The following CDK7 variants were observed in gnomAD, a reference collection of about 807,000 sequenced individuals.
The protein encoded by CDK7 is cyclin-dependent kinase 7.
Under a neutral mutation model 49.1 loss-of-function variants are expected in CDK7, and 25 were observed. The ratio of observed to expected loss-of-function variants is 0.51; its 90% CI spans 0.37 to 0.71. The LOEUF is 0.71. CDK7 is among the 30% of genes least tolerant of loss of function. The pLI is 0.00. For synonymous variants in CDK7, 107 were observed against 140.0 expected (o/e 0.76, Z 1.67); for missense variants, 316 against 411.7 (o/e 0.77, Z 2.01).
At chr5:69,235,643 C>G (rs1020087193) in intron 2 of CDK7, 190 bp downstream of exon 2, 2 of 610,506 alleles carry the variant, frequency 3.3e-6, no homozygotes, top group Non-Finnish European at 5.9e-6. Context: ...GTTTTAATTT[C>G]TATTGAAATG....
intron 2 of CDK7, among the ~76,000 whole-genome samples, chr5:69,246,794 T>C (rs1749786402): frequency 6.6e-6 from 1 of 152,076 alleles, no homozygotes; most frequent in Admixed American, 6.6e-5. Context: ...TGGTATGTTG[T>C]GTTTCCGTTA....
At chr5:69,255,203 T>C (rs1750408332) in intron 4 of CDK7, among the ~76,000 whole-genome samples, 1 of 152,256 alleles carries the variant, frequency 6.6e-6, no homozygotes, top group Admixed American at 6.5e-5. Flanking sequence ...GTTAATTTCT[T>C]AATTCTAACT....
At chr5:69,250,719 C>T (rs12657418) in intron 2 of CDK7, 1 of 456,428 alleles carries the variant, frequency 2.2e-6, no homozygotes, top group South Asian at 1.5e-5. Flanking sequence ...ATCTCCTTTA[C>T]TCTTCCCTCT....
intron 8 of CDK7, among the ~76,000 whole-genome samples, chr5:69,267,319 T>G: frequency 1.0e-5 from 1 of 99,094 alleles, no homozygotes; most frequent in South Asian, 3.6e-4. Context: ...TTTTTTTTTT[T>G]TGAGACAGAG....
chr5:69,245,107 A>T (rs1000319513), intron 2 of CDK7, among the ~76,000 whole-genome samples: 12 of 152,194 alleles, frequency 7.9e-5, no homozygotes, highest in Non-Finnish European at 1.5e-4. Flanking sequence ...TTTTACATGA[A>T]TGTACATCAG....
intron 11 of CDK7, 85 bp from the exon 12 acceptor site, chr5:69,277,022 C>A: frequency 1.8e-6 from 2 of 1,118,060 alleles, no homozygotes; most frequent in Non-Finnish European, 2.6e-6. Context: ...AGTTGGAATG[C>A]AGTGACTGGT....
chr5:69,266,622 G>A (rs1751176125), intron 8 of CDK7, among the ~76,000 whole-genome samples: 3 of 152,026 alleles, frequency 2.0e-5, no homozygotes, highest in Non-Finnish European at 2.9e-5. Flanking sequence ...GAAAGTTCTG[G>A]GAAAGCAGGT....
rs747576681 is a variant in CDK7 at position 69,243,826 on chromosome 5, GTTTTTTTTTT to G, written c.126+8388_126+8397del. Among the ~76,000 whole-genome samples, 298 of 66,414 alleles carry G rather than the reference GTTTTTTTTTT, an allele frequency of 4.5e-3. 2 individuals are homozygous for G. Among genetic ancestry groups the G allele is most frequent in the African/African-American group, 0.016 (284 of 18,216 alleles). The allele number at this position is 66,414 out of a possible 152,430, so 43.6% of individuals were successfully genotyped here. On this transcript the variant is annotated intron_variant, in intron 2 of 11. Coordinates refer to ENST00000256443, the MANE Select transcript of CDK7 (RefSeq NM_001799.4). ...TCAATTTCTTTCACCAATGATAGTT[GTTTTTTTTTT>G]TTTTTTTTTTTTTTGAGATGGAGTC...
At position 69,234,939 on chromosome 5, in the gene CDK7, C is replaced by T. The variant is rs1309715776; in HGVS notation, c.-37C>T. On this transcript the variant is annotated 5_prime_UTR_variant, in exon 1 of 12. Transcript: ENST00000256443. ...TTAAATTCGTGTTGTCCTGGGAGCTCGCCCTTTTCGGCTGGAGTCGGGCTT... is the reference window on the plus strand; with the variant it reads ...TTAAATTCGTGTTGTCCTGGGAGCTTGCCCTTTTCGGCTGGAGTCGGGCTT... 6 of 1,565,890 alleles carry T rather than the reference C, an allele frequency of 3.8e-6. No homozygotes were observed. Among genetic ancestry groups the T allele is most frequent in the South Asian group, 3.5e-5 (3 of 85,490 alleles).
intron 7 of CDK7, among the ~76,000 whole-genome samples, chr5:69,260,442 AC>A (rs535934610): frequency 7.3e-4 from 111 of 152,326 alleles, no homozygotes; most frequent in African/African-American, 2.5e-3. Flanking sequence ...CCCTTTTCAA[AC>A]AGAGTCTAAC....
chr5:69,263,435 G>A (rs146084969), intron 8 of CDK7, among the ~76,000 whole-genome samples: 46 of 152,256 alleles, frequency 3.0e-4, no homozygotes, highest in African/African-American at 1.0e-3. Context: ...GGTGGCTCAC[G>A]CCTATAGTCC....
At chr5:69,248,466 C>G (rs1749900232) in intron 2 of CDK7, among the ~76,000 whole-genome samples, 1 of 151,948 alleles carries the variant, frequency 6.6e-6, no homozygotes, top group Non-Finnish European at 1.5e-5. Flanking sequence ...TGGCTCACCG[C>G]AACCTCCTCC....
In CDK7 at chr5:69,276,530, T is replaced by C; in HGVS notation, c.865-13T>C. Reference sequence around the variant, plus strand: ...CTCACCTACCTTACTTTTGGTATCTTTTCTTTTAAAAGGCACTGAAAATGA... The same window carrying C: ...CTCACCTACCTTACTTTTGGTATCTCTTCTTTTAAAAGGCACTGAAAATGA... On this transcript the variant is annotated splice_polypyrimidine_tract_variant and intron_variant, in intron 10 of 11. Transcript: ENST00000256443. 1 of 1,611,792 alleles carries C rather than the reference T, an allele frequency of 6.2e-7. No homozygotes were observed. The highest frequency in any genetic ancestry group is 8.5e-7 in the Non-Finnish European group (1 of 1,179,650).
At chr5:69,267,901 T>C (rs1751268576) in intron 8 of CDK7, among the ~76,000 whole-genome samples, 1 of 152,150 alleles carries the variant, frequency 6.6e-6, no homozygotes, top group Non-Finnish European at 1.5e-5. Flanking sequence ...TCCTTTTGGG[T>C]TTAAGAAGAA....
At chr5:69,235,840 C>G (rs1252144844) in intron 2 of CDK7, among the ~76,000 whole-genome samples, 1 of 152,266 alleles carries the variant, frequency 6.6e-6, no homozygotes, top group Non-Finnish European at 1.5e-5. Flanking sequence ...GAAAGACTTT[C>G]ACTAGCATGA....
At chr5:69,270,314 C>T (rs756199206) in intron 9 of CDK7, among the ~76,000 whole-genome samples, 3 of 151,988 alleles carry the variant, frequency 2.0e-5, no homozygotes, top group Non-Finnish European at 4.4e-5. Context: ...CTTGGTGGTG[C>T]ACACATTATG....
rs769998037 is a variant in CDK7 at position 69,234,967 on chromosome 5, C to T, written c.-9C>T. 1.3e-6 allele frequency: 2 copies of T among 1,589,962 alleles called. No homozygotes were observed. Among genetic ancestry groups the T allele is most frequent in the Non-Finnish European group, 1.7e-6 (2 of 1,168,458 alleles). ...CCTTTTCGGCTGGAGTCGGGCTTTACGGCGCCGGATGGCTCTGGACGTGAA... is the reference window on the plus strand; with the variant it reads ...CCTTTTCGGCTGGAGTCGGGCTTTATGGCGCCGGATGGCTCTGGACGTGAA... On this transcript the variant is annotated 5_prime_UTR_variant, in exon 1 of 12. The change creates a new upstream start codon in the 5' untranslated region. Coordinates refer to ENST00000256443, the MANE Select transcript of CDK7 (RefSeq NM_001799.4).
intron 4 of CDK7, among the ~76,000 whole-genome samples, 185 bp downstream of exon 4, chr5:69,254,854 TAAATG>T (rs1317348584): frequency 6.6e-6 from 1 of 152,222 alleles, no homozygotes; most frequent in Non-Finnish European, 1.5e-5. Context: ...ACTGATTAAA[TAAATG>T]AAATATTGAC....
intron 2 of CDK7, among the ~76,000 whole-genome samples, chr5:69,237,422 A>C (rs975703846): frequency 6.6e-6 from 1 of 152,168 alleles, no homozygotes; most frequent in Non-Finnish European, 1.5e-5. Flanking sequence ...AGAACATGGC[A>C]TGGCTGATTC....
Sources: gnomAD v4.1 joint callset for allele counts (sites outside exome capture counted in the v4.1 genomes callset) on GRCh38, gnomAD v4.1.1 for gene constraint, MANE v1.5 for transcripts, NCBI Gene and HGNC (gene_info 2026-07-23, HGNC 2026-07-21) for gene names.